Variants in CSRNP3 observed in about 807,000 individuals in gnomAD.
The protein encoded by CSRNP3 is cysteine/serine-rich nuclear protein 3.
CSRNP3 carries 12 observed loss-of-function variants against 48.0 expected under a neutral mutation model. The ratio of observed to expected loss-of-function variants is 0.25; its 90% CI spans 0.16 to 0.41. The LOEUF (loss-of-function observed/expected upper bound fraction) is 0.41, where lower values mean the gene tolerates loss of function less well. Among genes scored for constraint, CSRNP3 ranks in the 10% least tolerant of loss-of-function variants. The pLI, the probability that CSRNP3 is intolerant of heterozygous loss-of-function variation, is 1.00. For missense variants in CSRNP3, 580 were observed against 724.4 expected (o/e 0.80, Z 2.29); for synonymous variants, 263 against 269.7 (o/e 0.98, Z 0.24).
At chr2:165,605,458 G>A (rs188512276) in intron 4 of CSRNP3, among the ~76,000 whole-genome samples, 1 of 151,956 alleles carries the variant, frequency 6.6e-6, no homozygotes, top group Admixed American at 6.6e-5. Context: ...ATACATGAAA[G>A]TTTTGACAGA....
intron 1 of CSRNP3, among the ~76,000 whole-genome samples, chr2:165,492,473 G>A (rs1684226885): frequency 6.6e-6 from 1 of 151,816 alleles, no homozygotes; most frequent in Non-Finnish European, 1.5e-5. Context: ...TTTTCCCTAA[G>A]AAGCCCAAAT....
intron 3 of CSRNP3, among the ~76,000 whole-genome samples, chr2:165,523,338 A>T (rs1315280217): frequency 6.6e-6 from 1 of 151,952 alleles, no homozygotes; most frequent in Non-Finnish European, 1.5e-5. Context: ...TCACACTCCT[A>T]TCCAAAAAAG....
At chr2:165,586,609 A>G (rs917947635) in intron 3 of CSRNP3, among the ~76,000 whole-genome samples, 3 of 152,140 alleles carry the variant, frequency 2.0e-5, no homozygotes, top group South Asian at 2.1e-4. Flanking sequence ...CTCCTCAGAC[A>G]TGGGGATTTA....
intron 4 of CSRNP3, among the ~76,000 whole-genome samples, chr2:165,612,322 G>A (rs1003093181): frequency 5.3e-5 from 8 of 151,892 alleles, no homozygotes; most frequent in East Asian, 1.9e-4. Flanking sequence ...CTAACATTTG[G>A]GGAAAAGTAT....
intron 2 of CSRNP3, among the ~76,000 whole-genome samples, chr2:165,509,661 G>T (rs1172848121): frequency 6.6e-6 from 1 of 152,162 alleles, no homozygotes; most frequent in Non-Finnish European, 1.5e-5. Context: ...ATCACAGAGA[G>T]TTCCCATGCA....
intron 4 of CSRNP3, among the ~76,000 whole-genome samples, chr2:165,656,734 G>A (rs148995016): frequency 3.9e-5 from 6 of 152,226 alleles, no homozygotes; most frequent in African/African-American, 1.4e-4. Flanking sequence ...GCCTTTTTGT[G>A]TGTGTTTTTA....
At chr2:165,668,949 G>C (rs1277722171) in intron 5 of CSRNP3, among the ~76,000 whole-genome samples, 1 of 152,120 alleles carries the variant, frequency 6.6e-6, no homozygotes, top group Non-Finnish European at 1.5e-5. Context: ...TGGCTATTTA[G>C]CTAGACTTTG....
chr2:165,533,669 GT>G (rs150736226), intron 3 of CSRNP3, among the ~76,000 whole-genome samples: 2 of 151,946 alleles, frequency 1.3e-5, no homozygotes, highest in African/African-American at 4.8e-5. Context: ...TTTCTCTTCT[GT>G]TTTTTGTCAA....
intron 3 of CSRNP3, among the ~76,000 whole-genome samples, chr2:165,581,835 C>G (rs545870093): frequency 6.6e-6 from 1 of 152,234 alleles, no homozygotes; most frequent in East Asian, 1.9e-4. Flanking sequence ...CTGCGCCTGG[C>G]CCCCTTCTTT....
At chr2:165,571,318 A>G (rs1364400856) in intron 3 of CSRNP3, among the ~76,000 whole-genome samples, 3 of 151,986 alleles carry the variant, frequency 2.0e-5, no homozygotes, top group Admixed American at 6.6e-5. Flanking sequence ...AAGCTTTCAA[A>G]CATCATTTTA....
intron 3 of CSRNP3, among the ~76,000 whole-genome samples, chr2:165,525,012 CA>C (rs1684714597): frequency 6.6e-6 from 1 of 152,140 alleles, no homozygotes; most frequent in Non-Finnish European, 1.5e-5. Context: ...AATTGTTTCC[CA>C]AAATGACAAA....
At chr2:165,521,862 C>G (rs1231423271) in intron 3 of CSRNP3, among the ~76,000 whole-genome samples, 1 of 152,122 alleles carries the variant, frequency 6.6e-6, no homozygotes, top group Non-Finnish European at 1.5e-5. Context: ...CCGATGTCCC[C>G]TCAGAGCAAA....
chr2:165,642,825 G>A (rs1372307919), intron 4 of CSRNP3, among the ~76,000 whole-genome samples: 2 of 152,202 alleles, frequency 1.3e-5, no homozygotes, highest in African/African-American at 2.4e-5. Flanking sequence ...GCCTCCCAAA[G>A]TGCTGGGATT....
chr2:165,577,473 G>A (rs575145505), intron 3 of CSRNP3, among the ~76,000 whole-genome samples: 1 of 151,770 alleles, frequency 6.6e-6, no homozygotes, highest in African/African-American at 2.4e-5. Context: ...TGACTATAAA[G>A]GCCAGTTCTT....
chr2:165,661,232 T>C (rs942651686), intron 5 of CSRNP3, among the ~76,000 whole-genome samples: 4 of 152,206 alleles, frequency 2.6e-5, no homozygotes, highest in African/African-American at 7.2e-5. Flanking sequence ...TAACAAAATA[T>C]AGATGCCCCT....
At chr2:165,626,771 C>G (rs1260987853) in intron 4 of CSRNP3, among the ~76,000 whole-genome samples, 3 of 152,202 alleles carry the variant, frequency 2.0e-5, no homozygotes, top group South Asian at 4.1e-4. Context: ...AAGCTCTTGA[C>G]TCTTCCATAC....
chr2:165,519,762 G>C (rs925099862), intron 3 of CSRNP3, among the ~76,000 whole-genome samples: 1 of 152,072 alleles, frequency 6.6e-6, no homozygotes, highest in Non-Finnish European at 1.5e-5. Flanking sequence ...TTACATTCTA[G>C]TGGATGGAAA....
intron 4 of CSRNP3, among the ~76,000 whole-genome samples, chr2:165,654,981 A>C (rs1000071115): frequency 5.9e-5 from 9 of 152,338 alleles, no homozygotes; most frequent in Non-Finnish European, 1.2e-4. Context: ...GCTAGCACAT[A>C]GTAGGCTCTC....
chr2:165,532,147 C>G (rs1052993620), intron 3 of CSRNP3, among the ~76,000 whole-genome samples: 3 of 152,180 alleles, frequency 2.0e-5, no homozygotes, highest in African/African-American at 2.4e-5. Context: ...GGAGCTGGTA[C>G]CATTCCTTCT....
Sources: gnomAD v4.1 joint callset for allele counts (sites outside exome capture counted in the v4.1 genomes callset) on GRCh38, gnomAD v4.1.1 for gene constraint, MANE v1.5 for transcripts, NCBI Gene and HGNC (gene_info 2026-07-23, HGNC 2026-07-21) for gene names.